DCAF6: variants seen among roughly 807,000 people sequenced by gnomAD.
DCAF6 encodes DDB1- and CUL4-associated factor 6.
In DCAF6, 54 loss-of-function variants were observed where a neutral mutation model predicts 125.1. That is an observed-to-expected ratio of 0.43 (90% CI 0.35 to 0.54). DCAF6 has a LOEUF of 0.54. Ranked by LOEUF, DCAF6 falls within the 20% of genes least tolerant of loss-of-function variation. The pLI, the probability that DCAF6 is intolerant of heterozygous loss-of-function variation, is 0.01. For synonymous variants in DCAF6, 371 were observed against 390.4 expected, an observed-to-expected ratio of 0.95 and a Z score of 0.58; for missense variants, 934 against 1,161.7, an observed-to-expected ratio of 0.80 and a Z score of 2.85.
the DCAF6 span, among the ~76,000 whole-genome samples, chr1:167,897,951 G>C: frequency 0.049 from 40 of 812 alleles, 4 homozygotes; most frequent in African/African-American, 0.074. Context: ...AGCCGAGATC[G>C]CGCCACTGCA....
At chr1:167,952,181 T>C (rs1674061236) in intron 2 of DCAF6, among the ~76,000 whole-genome samples, 2 of 152,012 alleles carry the variant, frequency 1.3e-5, no homozygotes. Flanking sequence ...TCCTCTTTTT[T>C]TTCATACTTT....
intron 3 of DCAF6, among the ~76,000 whole-genome samples, chr1:167,973,630 T>C (rs545222218): frequency 1.3e-5 from 2 of 152,320 alleles, no homozygotes; most frequent in South Asian, 2.1e-4. Flanking sequence ...ACTGATGTTA[T>C]TCTTTTTGAT....
intron 3 of DCAF6, among the ~76,000 whole-genome samples, chr1:167,974,508 A>G (rs1052749247): frequency 6.6e-6 from 1 of 152,156 alleles, no homozygotes; most frequent in African/African-American, 2.4e-5. Flanking sequence ...GTAAATTTCA[A>G]AAGTCAGTCA....
At chr1:167,980,849 T>G (rs181885026) in intron 4 of DCAF6, among the ~76,000 whole-genome samples, 2 of 152,180 alleles carry the variant, frequency 1.3e-5, no homozygotes, top group Non-Finnish European at 1.5e-5. Context: ...TTGTTAACTG[T>G]GATTTTGTTG....
At chr1:168,072,129 G>A (rs1276622046) in intron 21 of DCAF6, among the ~76,000 whole-genome samples, 1 of 151,278 alleles carries the variant, frequency 6.6e-6, no homozygotes, top group Non-Finnish European at 1.5e-5. Context: ...AATCCCATCT[G>A]TACTGAAAAA....
At chr1:167,965,409 T>C (rs1676248089) in intron 2 of DCAF6, among the ~76,000 whole-genome samples, 1 of 152,162 alleles carries the variant, frequency 6.6e-6, no homozygotes, top group Admixed American at 6.5e-5. Context: ...CCTCAGTGGG[T>C]AGGCTGTGGT....
chr1:167,878,055 G>A, the DCAF6 span, among the ~76,000 whole-genome samples: 8 of 152,196 alleles, frequency 5.3e-5, no homozygotes, highest in Non-Finnish European at 1.2e-4. Context: ...AGACTTAGAG[G>A]AGAAATAATA....
chr1:168,043,889 G>T (rs779936864), intron 14 of DCAF6, among the ~76,000 whole-genome samples: 19 of 152,114 alleles, frequency 1.2e-4, no homozygotes, highest in Non-Finnish European at 1.2e-4. Context: ...TTAACTACTT[G>T]TTCATGATAG....
intron 12 of DCAF6, among the ~76,000 whole-genome samples, chr1:168,029,645 C>T (rs892722008): frequency 6.6e-6 from 1 of 152,072 alleles, no homozygotes; most frequent in Non-Finnish European, 1.5e-5. Flanking sequence ...TATTATTACC[C>T]CCATTTTTCA....
Position 167,983,033 on chromosome 1 carries a change from C to T in DCAF6, c.439-4462C>T, listed in dbSNP as rs141385841. Among the ~76,000 whole-genome samples the T allele has an allele frequency of 2.1e-3, 321 of 152,172 alleles. 2 individuals carry two copies. Among genetic ancestry groups the T allele is most frequent in the African/African-American group, 7.2e-3 (298 of 41,538 alleles). ...TTCATTGGCCTGTGTGTCTTGTTTT[C>T]GTACCAGTACTATGCTGTTTTGGTT... is the stretch of plus-strand genomic sequence containing the variant. On this transcript the variant is annotated intron_variant, in intron 4 of 21. Coordinates refer to ENST00000367840, the MANE Select transcript of DCAF6 (RefSeq NM_001198956.2).
At chr1:168,064,294 T>C (rs2101965949) in intron 18 of DCAF6, among the ~76,000 whole-genome samples, 1 of 152,230 alleles carries the variant, frequency 6.6e-6, no homozygotes, top group East Asian at 1.9e-4. Flanking sequence ...GTTTTTACGA[T>C]CTACAAGTTT....
At chr1:168,002,981 A>G (rs1179012851) in intron 8 of DCAF6, among the ~76,000 whole-genome samples, 4 of 152,220 alleles carry the variant, frequency 2.6e-5, no homozygotes, top group Admixed American at 1.3e-4. Flanking sequence ...TTTGATAAGC[A>G]TAAGAATCAA....
chr1:167,881,902 C>T, the DCAF6 span, among the ~76,000 whole-genome samples: 1 of 152,304 alleles, frequency 6.6e-6, no homozygotes, highest in South Asian at 2.1e-4. Context: ...TGGAAGTAAT[C>T]CCTTTCCAGA....
chr1:167,896,652 C>A, the DCAF6 span: 1 of 1,613,536 alleles, frequency 6.2e-7, no homozygotes, highest in Non-Finnish European at 8.5e-7. Flanking sequence ...GTGAAAAATT[C>A]ATCAAAATTA....
chr1:167,904,714 G>C, the DCAF6 span: 1 of 608,760 alleles, frequency 1.6e-6, no homozygotes, highest in Non-Finnish European at 2.9e-6. Flanking sequence ...GGCTGGAGAG[G>C]ATGAGTCAGT....
At chr1:167,893,573 G>C in the DCAF6 span, among the ~76,000 whole-genome samples, 1 of 151,794 alleles carries the variant, frequency 6.6e-6, no homozygotes, top group Admixed American at 6.6e-5. Flanking sequence ...AGTTAGCTGG[G>C]TGTGGTGGCG....
intron 4 of DCAF6, among the ~76,000 whole-genome samples, chr1:167,977,335 A>T (rs1226587910): frequency 6.7e-6 from 1 of 149,840 alleles, no homozygotes; most frequent in Non-Finnish European, 1.5e-5. Context: ...TTTTTTTTTA[A>T]ATGCCAGTTC....
the DCAF6 span, among the ~76,000 whole-genome samples, chr1:167,902,733 C>A: frequency 6.6e-6 from 1 of 152,164 alleles, no homozygotes; most frequent in Admixed American, 6.5e-5. Context: ...GCCAGGAGTT[C>A]ACCATAACAG....
At chr1:167,893,488 A>G in the DCAF6 span, among the ~76,000 whole-genome samples, 3 of 152,024 alleles carry the variant, frequency 2.0e-5, no homozygotes, top group Non-Finnish European at 4.4e-5. Context: ...TGAGGCGGGC[A>G]GATTTCTTGA....
Sources: gnomAD v4.1 joint callset for allele counts (sites outside exome capture counted in the v4.1 genomes callset) on GRCh38, gnomAD v4.1.1 for gene constraint, MANE v1.5 for transcripts, NCBI Gene and HGNC (gene_info 2026-07-23, HGNC 2026-07-21) for gene names.